TENM4: variants seen among roughly 807,000 people sequenced by gnomAD.
TENM4 encodes teneurin-4.
In TENM4, 82 loss-of-function variants were observed where a neutral mutation model predicts 243.3. That is an observed-to-expected ratio of 0.34 (90% CI 0.28 to 0.40). The LOEUF (loss-of-function observed/expected upper bound fraction) is 0.40, where lower values mean the gene tolerates loss of function less well. TENM4 is among the 10% of genes least tolerant of loss of function. The pLI, the probability that TENM4 is intolerant of heterozygous loss-of-function variation, is 1.00. For missense variants in TENM4, 3,138 were observed against 3,673.3 expected (o/e 0.85, Z 3.77); for synonymous variants, 1,412 against 1,456.3 (o/e 0.97, Z 0.69).
At position 78,805,442 on chromosome 11, in the gene TENM4, C is replaced by T. The variant is rs1193400951; in HGVS notation, c.2029G>A (p.Glu677Lys). 1.1e-5 allele frequency: 17 copies of T among 1,597,712 alleles called. No homozygotes were observed. The highest frequency in any genetic ancestry group is 4.0e-5 in the African/African-American group (3 of 74,638). Reference sequence around the variant, plus strand: ...CCCCATCCCACAGAGCAGTGGCATTCGCCTCTCACGCAGACACCCCGGCCT... The same window carrying T: ...CCCCATCCCACAGAGCAGTGGCATTTGCCTCTCACGCAGACACCCCGGCCT... Reference protein sequence around the residue: ...CSGRGVCVRGECHCSVGWGGT... With the variant: ...CSGRGVCVRGKCHCSVGWGGT... Residue 677 changes from glutamate (E) to lysine (K), a missense_variant, in exon 15 of 34, where the codon GAA becomes AAA. Around this residue, in one of 2 missense-constraint regions of TENM4, gnomAD observed 2,467 missense variants for 3,059.1 expected, o/e 0.81. Transcript: ENST00000278550.
At chr11:79,123,582 G>A (rs1449291880) in intron 4 of TENM4, among the ~76,000 whole-genome samples, 2 of 148,020 alleles carry the variant, frequency 1.4e-5, no homozygotes, top group African/African-American at 5.0e-5. Flanking sequence ...CTTCTCTCCA[G>A]ACAAACGCAG....
At chr11:79,017,471 A>T (rs1858809540) in intron 6 of TENM4, among the ~76,000 whole-genome samples, 1 of 152,154 alleles carries the variant, frequency 6.6e-6, no homozygotes, top group African/African-American at 2.4e-5. Flanking sequence ...AATTTTAAAA[A>T]AGGGAAAAAG....
intron 2 of TENM4, among the ~76,000 whole-genome samples, chr11:79,248,813 G>GT (rs1855563193): frequency 6.6e-6 from 1 of 152,076 alleles, no homozygotes; most frequent in Non-Finnish European, 1.5e-5. Flanking sequence ...ATAATGGGCT[G>GT]TTTTTGCTCC....
intron 9 of TENM4, among the ~76,000 whole-genome samples, chr11:78,881,782 G>C (rs1855437546): frequency 1.3e-5 from 2 of 152,344 alleles, no homozygotes; most frequent in South Asian, 4.1e-4. Flanking sequence ...CAGCCCTGCA[G>C]AGCGAGTTGG....
At chr11:79,426,453 T>C (rs1859051290) in intron 1 of TENM4, among the ~76,000 whole-genome samples, 1 of 152,194 alleles carries the variant, frequency 6.6e-6, no homozygotes, top group Non-Finnish European at 1.5e-5. Context: ...TAACAAGACC[T>C]TACTCAGCTC....
At chr11:78,913,583 ATGTGTGTGTG>A (rs55835050) in intron 6 of TENM4, among the ~76,000 whole-genome samples, 4,351 of 141,298 alleles carry the variant, frequency 0.031, 63 homozygotes, top group Middle Eastern at 0.038. Flanking sequence ...GGTAAGAGGT[ATGTGTGTGTG>A]TGTGTGTGTG....
At chr11:79,404,786 A>C (rs181422529) in intron 1 of TENM4, among the ~76,000 whole-genome samples, 5 of 152,318 alleles carry the variant, frequency 3.3e-5, no homozygotes, top group Admixed American at 3.3e-4. Context: ...TCCCAAGACA[A>C]AATACTGTAT....
intron 12 of TENM4, among the ~76,000 whole-genome samples, chr11:78,818,843 A>T (rs1565392613): frequency 6.6e-6 from 1 of 152,030 alleles, no homozygotes; most frequent in Non-Finnish European, 1.5e-5. Context: ...ATCTGCTTGG[A>T]TCCAAATTAA....
At chr11:78,831,336 C>CCCCAGCT (rs1230414385) in intron 12 of TENM4, among the ~76,000 whole-genome samples, 1 of 152,222 alleles carries the variant, frequency 6.6e-6, no homozygotes, top group Non-Finnish European at 1.5e-5. Context: ...CCCTCTATGG[C>CCCCAGCT]CCCAGCTCCC....
At chr11:79,162,607 G>C (rs1000737389) in intron 3 of TENM4, among the ~76,000 whole-genome samples, 3 of 152,014 alleles carry the variant, frequency 2.0e-5, no homozygotes, top group Non-Finnish European at 2.9e-5. Context: ...ATTTTCTTTA[G>C]CCTGATTTTG....
chr11:78,658,479 G>T lies in TENM4; in HGVS notation c.7889C>A (p.Ala2630Asp), dbSNP rs752195445. The change falls in exon 34 of 34, where the codon GCC becomes GAC. Residue 2630 changes from alanine to aspartate, a missense_variant. Transcript: ENST00000278550. ...VKPGPSEGDL[A>D]ILGLSGGRRT... ...CCGCCCCCCACTGAGGCCCAGGATG[G>T]CCAGGTCACCTTCTGAAGGTCCTGG... The T allele has an allele frequency of 9.3e-6, 15 of 1,613,928 alleles. No homozygotes were observed. Among genetic ancestry groups the T allele is most frequent in the Non-Finnish European group, 1.2e-5 (14 of 1,179,918 alleles).
In TENM4 at chr11:78,854,135, T is replaced by C; in HGVS notation, c.1650A>G (p.Ser550=). The part of the protein sequence containing the change: ...HLAFYNDGKE[S]EVVSFLTTAI... ...CAGTGGTGAGAAAGGAAACCACTTCTGACTCCTTTCCGTCATTGTAAAAAG... is the reference window on the plus strand; with the variant it reads ...CAGTGGTGAGAAAGGAAACCACTTCCGACTCCTTTCCGTCATTGTAAAAAG... Residue 550 remains serine, a synonymous_variant, in exon 12 of 34, where the codon TCA becomes TCG. Coordinates refer to ENST00000278550, the MANE Select transcript of TENM4 (RefSeq NM_001098816.3). 6.4e-7 allele frequency: 1 copy of C among 1,551,766 alleles called. No individual in the cohort carries two copies. Among genetic ancestry groups the C allele is most frequent in the Non-Finnish European group, 8.7e-7 (1 of 1,146,990 alleles).
At chr11:78,979,923 C>T (rs1459747819) in intron 6 of TENM4, among the ~76,000 whole-genome samples, 2 of 152,168 alleles carry the variant, frequency 1.3e-5, no homozygotes, top group Non-Finnish European at 2.9e-5. Flanking sequence ...GAGTTCCCTT[C>T]TAAGCTCCCT....
intron 12 of TENM4, among the ~76,000 whole-genome samples, chr11:78,853,596 A>G (rs192976450): frequency 1.3e-5 from 2 of 152,312 alleles, no homozygotes; most frequent in East Asian, 3.9e-4. Context: ...AGTCTGACTG[A>G]TGGCATGGTT....
intron 3 of TENM4, among the ~76,000 whole-genome samples, chr11:79,160,296 G>A (rs770723607): frequency 3.9e-5 from 6 of 152,194 alleles, no homozygotes. Context: ...TGTAATTACT[G>A]TTTTGACTTT....
intron 1 of TENM4, among the ~76,000 whole-genome samples, chr11:79,404,698 C>T (rs115668608): frequency 0.01 from 1,588 of 152,124 alleles, 26 homozygotes; most frequent in African/African-American, 0.036. Context: ...ATAAAAGATG[C>T]CTCAGGAAGT....
At chr11:78,909,559 C>A (rs1439025294) in intron 6 of TENM4, among the ~76,000 whole-genome samples, 1 of 152,204 alleles carries the variant, frequency 6.6e-6, no homozygotes, top group Non-Finnish European at 1.5e-5. Context: ...TCAAGGCCTG[C>A]CACATACTGA....
chr11:79,381,496 C>T (rs375126391), intron 1 of TENM4, among the ~76,000 whole-genome samples: 2 of 151,444 alleles, frequency 1.3e-5, no homozygotes, highest in South Asian at 2.1e-4. Flanking sequence ...AACGTTTGCT[C>T]ACCACTCAAG....
intron 26 of TENM4, among the ~76,000 whole-genome samples, chr11:78,709,099 C>G (rs910278768): frequency 1.3e-5 from 2 of 150,064 alleles, no homozygotes; most frequent in Non-Finnish European, 3.0e-5. Flanking sequence ...TCCCAGTTAG[C>G]TGGGACCACA....
Sources: allele counts gnomAD v4.1 joint callset (sites outside exome capture counted in the v4.1 genomes callset), GRCh38; gene constraint gnomAD v4.1.1; regional missense constraint gnomAD v4.1.1; transcripts MANE v1.5; gene names NCBI Gene and HGNC (gene_info 2026-07-23, HGNC 2026-07-21).